The following MAP7D2 variants were observed in gnomAD, a reference collection of about 807,000 sequenced individuals.
MAP7D2 encodes MAP7 domain containing 2, also known as MAP7 domain-containing protein 2.
MAP7D2 carries 33 observed loss-of-function variants against 63.5 expected under a neutral mutation model. The ratio of observed to expected loss-of-function variants is 0.52; its 90% CI spans 0.39 to 0.70. The LOEUF (loss-of-function observed/expected upper bound fraction) is 0.70. Among genes scored for constraint, MAP7D2 ranks in the 30% least tolerant of loss-of-function variants. The pLI is 0.00. For synonymous variants in MAP7D2, 224 were observed against 223.7 expected (o/e 1.00, Z -0.01); for missense variants, 626 against 604.0 (o/e 1.04, Z -0.38).
intron 1 of MAP7D2, among the ~76,000 whole-genome samples, chrX:20,100,982 C>T (rs1406028444): frequency 9.4e-6 from 1 of 106,156 alleles, no homozygotes; most frequent in African/African-American, 3.5e-5. Flanking sequence ...GATCGCACCA[C>T]TGCACTCCAG....
intron 1 of MAP7D2, among the ~76,000 whole-genome samples, chrX:20,091,148 G>A (rs750229937): frequency 3.2e-4 from 34 of 105,817 alleles, no homozygotes; most frequent in Middle Eastern, 4.7e-3. Context: ...CACCTCCCAG[G>A]TTCAAGCGAT....
At chrX:20,055,623 G>C (rs766860197) in intron 4 of MAP7D2, 1 of 394,644 alleles carries the variant, frequency 2.5e-6, no homozygotes, top group African/African-American at 2.7e-5. Flanking sequence ...AATTGTGACA[G>C]GCCAGACTAA....
chrX:20,085,948 G>C (rs61231633), intron 1 of MAP7D2, among the ~76,000 whole-genome samples: 9,591 of 111,344 alleles, frequency 0.086, 1,000 homozygotes, highest in African/African-American at 0.29. Flanking sequence ...CTGACCTCAA[G>C]TGATCCACCT....
At chrX:20,051,577 A>C (rs538181663) in intron 5 of MAP7D2, among the ~76,000 whole-genome samples, 50 of 110,753 alleles carry the variant, frequency 4.5e-4, no homozygotes, top group East Asian at 3.4e-3. Flanking sequence ...AAAACAAAAA[A>C]AACAACAACA....
chrX:20,094,514 AT>A (rs2066171844), intron 1 of MAP7D2, among the ~76,000 whole-genome samples: 1 of 9,996 alleles, frequency 1.0e-4, no homozygotes, highest in Non-Finnish European at 1.5e-4. Context: ...ATATATATAT[AT>A]GTATATATAT....
intron 1 of MAP7D2, among the ~76,000 whole-genome samples, chrX:20,114,972 A>G (rs1054307012): frequency 9.8e-5 from 11 of 111,877 alleles, no homozygotes; most frequent in African/African-American, 3.3e-4. Context: ...AACTCCCCCA[A>G]ACAACAAATG....
At chrX:20,072,336 C>T (rs1346144577) in intron 1 of MAP7D2, among the ~76,000 whole-genome samples, 4 of 110,760 alleles carry the variant, frequency 3.6e-5, no homozygotes, top group East Asian at 5.7e-4. Flanking sequence ...ACTTCACATT[C>T]GGGTCCTTCC....
chrX:20,084,536 T>A (rs868587113), intron 1 of MAP7D2, among the ~76,000 whole-genome samples: 1 of 64,767 alleles, frequency 1.5e-5, no homozygotes, highest in South Asian at 1.2e-3. Flanking sequence ...CTCCCTCCCT[T>A]CCTTCCTGTT....
intron 6 of MAP7D2, 43 bp downstream of exon 6, chrX:20,050,781 C>T (rs768262252): frequency 1.1e-4 from 121 of 1,124,322 alleles, no homozygotes; most frequent in Non-Finnish European, 1.3e-4. Context: ...ACCAACACCT[C>T]TTCGGGCATT....
chrX:20,041,399 T>C (rs1023222071), intron 8 of MAP7D2, among the ~76,000 whole-genome samples: 1 of 111,800 alleles, frequency 8.9e-6, no homozygotes, highest in African/African-American at 3.2e-5. Context: ...TATGGAAAGA[T>C]TTTCCTTATG....
chrX:20,059,189 T>C (rs2065137415), intron 3 of MAP7D2, among the ~76,000 whole-genome samples: 1 of 112,436 alleles, frequency 8.9e-6, no homozygotes, highest in Admixed American at 9.4e-5. Context: ...ATCAGGACCA[T>C]TTAGAGCAAT....
intron 1 of MAP7D2, among the ~76,000 whole-genome samples, chrX:20,078,749 T>G (rs1215833064): frequency 1.8e-5 from 2 of 111,823 alleles, no homozygotes; most frequent in Non-Finnish European, 3.8e-5. Context: ...GGTTTAGATA[T>G]GGCCCTGAAA....
rs2073402053 is a variant in MAP7D2 at position 20,016,569 on chromosome X, T to G, written c.1413-244A>C. Among the ~76,000 whole-genome samples, 3 of 112,722 alleles carry G rather than the reference T, an allele frequency of 2.7e-5. 1 individual carries two copies. The Admixed American group carries it at 2.8e-4, about 11-fold the overall frequency. The stretch of plus-strand genomic sequence containing the variant: ...AATACAGCAATGAATGATGTGTTGA[T>G]GTGTAACGCATACTGTATTGAAAAC... On this transcript the variant is annotated intron_variant, in intron 10 of 16. Transcript: ENST00000379643.
Position 20,012,529 on chromosome X carries a change from T to C in MAP7D2, c.1892A>G (p.Asn631Ser), listed in dbSNP as rs200804823. The part of the protein sequence containing the change: ...KLVVPNKMEI[N>S]GLNTCQEVNG... ...AACTTCCTGGCAGGTGTTCAATCCA[T>C]TGATTTCTGATCGAGAACACAAAGT... The change falls in exon 15 of 17, where the codon AAT (asparagine) becomes AGT (serine). Residue 631 changes from asparagine (N) to serine (S), a missense_variant. Coordinates refer to ENST00000379643, the MANE Select transcript of MAP7D2 (RefSeq NM_001168465.2). The C allele has an allele frequency of 3.0e-5, 35 of 1,170,457 alleles. No homozygotes were observed. Among genetic ancestry groups the C allele is most frequent in the Admixed American group, 7.5e-5 (3 of 40,249 alleles).
At position 20,093,614 on chromosome X, in the gene MAP7D2, G is replaced by A. The variant is rs777227672; in HGVS notation, c.130+23136C>T. 7.0e-3 allele frequency among the ~76,000 whole-genome samples: 772 copies of A among 110,558 alleles called. 6 individuals carry two copies. The highest frequency in any genetic ancestry group is 0.025 in the African/African-American group (744 of 30,361). The stretch of plus-strand genomic sequence containing the variant: ...AGAGGTTGTAGCGAGCCATGATCGC[G>A]CCACTGCACTCCAGCCTGGGTGACA... On this transcript the variant is annotated intron_variant, in intron 1 of 16. Coordinates refer to ENST00000379643, the MANE Select transcript of MAP7D2 (RefSeq NM_001168465.2).
chrX:20,108,931 G>C (rs1327934590), intron 1 of MAP7D2, among the ~76,000 whole-genome samples: 1 of 110,388 alleles, frequency 9.1e-6, no homozygotes, highest in African/African-American at 3.3e-5. Context: ...TGTGGGCACA[G>C]AGAGGATGGG....
At chrX:20,096,259 CT>C (rs777881819) in intron 1 of MAP7D2, among the ~76,000 whole-genome samples, 91 of 86,931 alleles carry the variant, frequency 1.0e-3, no homozygotes, top group Middle Eastern at 5.6e-3. Context: ...AGACCCTGTC[CT>C]TTTTTTTTTT....
chrX:20,014,293 C>T (rs1256145471), intron 12 of MAP7D2, among the ~76,000 whole-genome samples: 3 of 112,493 alleles, frequency 2.7e-5, no homozygotes, highest in Non-Finnish European at 3.8e-5. Flanking sequence ...TCAGGCCAAG[C>T]ACAGTGGCTC....
Position 20,056,789 on chromosome X carries a change from T to C in MAP7D2, c.375A>G (p.Glu125=), listed in dbSNP as rs1308375437. 1.7e-6 allele frequency: 2 copies of C among 1,209,283 alleles called. No homozygotes were observed. Residue 125 remains glutamate (E), a splice_region_variant and synonymous_variant, in exon 4 of 17, where the codon GAA becomes GAG. Coordinates refer to ENST00000379643, the MANE Select transcript of MAP7D2 (RefSeq NM_001168465.2). ...ACCGGCGCATCATCGCCTCCAGCCG[T>C]TCCTACACAGTTCGTGTAAGGCAAG... is the stretch of plus-strand genomic sequence containing the variant. ...KRKQKLREEE[E]RLEAMMRRSL... is the part of the protein sequence containing the mutation.
Sources: gnomAD v4.1 joint callset for allele counts (sites outside exome capture counted in the v4.1 genomes callset) on GRCh38, gnomAD v4.1.1 for gene constraint, MANE v1.5 for transcripts, NCBI Gene and HGNC (gene_info 2026-07-23, HGNC 2026-07-21) for gene names.